PAMR1: variants seen among roughly 807,000 people sequenced by gnomAD.
PAMR1 encodes peptidase domain containing associated with muscle regeneration 1.
Under a neutral mutation model 81.8 loss-of-function variants are expected in PAMR1, and 88 were observed. The ratio of observed to expected loss-of-function variants is 1.08; its 90% CI spans 0.91 to 1.28. PAMR1 has a LOEUF of 1.28. Among genes scored for constraint, PAMR1 ranks in the 50% most tolerant of loss-of-function variants. The pLI, the probability that PAMR1 is intolerant of heterozygous loss-of-function variation, is 0.00. For missense variants in PAMR1, 935 were observed against 919.7 expected (o/e 1.02, Z -0.21); for synonymous variants, 336 against 345.3 (o/e 0.97, Z 0.30).
chr11:35,471,519 A>AC (rs1161328300), intron 4 of PAMR1, among the ~76,000 whole-genome samples: 5 of 152,174 alleles, frequency 3.3e-5, no homozygotes, highest in Non-Finnish European at 7.4e-5. Flanking sequence ...AACAACAACA[A>AC]AAAAAACCTC....
intron 1 of PAMR1, among the ~76,000 whole-genome samples, chr11:35,496,650 G>A (rs1300659303): frequency 6.6e-6 from 1 of 152,204 alleles, no homozygotes; most frequent in Admixed American, 6.5e-5. Context: ...TGGAACCCTT[G>A]TATATTGCTG....
chr11:35,491,965 G>C, intron 3 of PAMR1, 80 bp downstream of exon 3: 22 of 1,266,046 alleles, frequency 1.7e-5, no homozygotes, highest in East Asian at 2.7e-5. Flanking sequence ...AGATTCCAAG[G>C]AGATAAATTT....
At chr11:35,439,729 T>G (rs1432493258) in intron 7 of PAMR1, 36 bp from the exon 8 acceptor site, 2 of 1,551,878 alleles carry the variant, frequency 1.3e-6, no homozygotes, top group Non-Finnish European at 1.8e-6. Context: ...ATGATCCTTT[T>G]CCATATTCAC....
chr11:35,506,467 G>T (rs1850958465), intron 1 of PAMR1, among the ~76,000 whole-genome samples: 1 of 146,906 alleles, frequency 6.8e-6, no homozygotes, highest in South Asian at 2.2e-4. Context: ...ACTTCTCTTA[G>T]CATTTCTTGT....
At chr11:35,521,915 G>GT (rs955580689) in intron 1 of PAMR1, among the ~76,000 whole-genome samples, 22 of 150,048 alleles carry the variant, frequency 1.5e-4, no homozygotes, top group East Asian at 3.9e-4. Flanking sequence ...TTTTTGTTTG[G>GT]TTTTTTTTTG....
At chr11:35,526,098 A>AC, upstream of PAMR1, 1 of 158,762 alleles carries the variant, frequency 6.3e-6, no homozygotes, top group Non-Finnish European at 1.4e-5. Context: ...TGGTGATGGG[A>AC]GGAGAAAGGG....
chr11:35,437,828 T>A (rs1302541203), intron 8 of PAMR1, among the ~76,000 whole-genome samples: 2 of 152,018 alleles, frequency 1.3e-5, no homozygotes, highest in African/African-American at 2.4e-5. Flanking sequence ...TAGTGGAGAG[T>A]CCAGCCCAGG....
At position 35,432,804 on chromosome 11, in the gene PAMR1, A is replaced by C; in HGVS notation, c.1715T>G (p.Ile572Ser). 6.2e-7 allele frequency: 1 copy of C among 1,608,590 alleles called. No individual in the cohort carries two copies. Among genetic ancestry groups the C allele is most frequent in the Non-Finnish European group, 8.5e-7 (1 of 1,179,998 alleles). The change falls in exon 11 of 11, where the codon ATC becomes AGC. Residue 572 changes from isoleucine to serine, a missense_variant. Physicochemically the swap from Ile to Ser is moderately radical, Grantham distance 142. Coordinates refer to ENST00000619888, the MANE Select transcript of PAMR1 (RefSeq NM_001001991.3). Reference protein sequence around the residue: ...AILKLLDKARISTRVQPICLA... With the variant: ...AILKLLDKARSSTRVQPICLA... ...GCAGATGGGCTGGACTCGGGTGCTG[A>C]TACGGGCCTTGTCTAGGAGCTTCAG... is the stretch of plus-strand genomic sequence containing the variant.
chr11:35,449,369 G>A (rs1461252335), intron 6 of PAMR1, among the ~76,000 whole-genome samples: 1 of 152,202 alleles, frequency 6.6e-6, no homozygotes, highest in Admixed American at 6.5e-5. Context: ...CCCCACAGAG[G>A]CTCTGTCCCA....
chr11:35,495,685 G>A (rs1292442286), intron 1 of PAMR1, among the ~76,000 whole-genome samples: 2 of 152,140 alleles, frequency 1.3e-5, no homozygotes, highest in African/African-American at 2.4e-5. Context: ...ATGAATTCTA[G>A]CACCTGCAGT....
chr11:35,439,664 C>A lies in PAMR1; in HGVS notation c.1063G>T (p.Val355Leu). The A allele has an allele frequency of 6.2e-7, 1 of 1,613,974 alleles. No homozygotes were observed. Among genetic ancestry groups the A allele is most frequent in the Non-Finnish European group, 8.5e-7 (1 of 1,179,882 alleles). ...ACREPKISDLVRRRVLPMQVQ... is the reference protein window; with the variant it reads ...ACREPKISDLLRRRVLPMQVQ... The stretch of plus-strand genomic sequence containing the variant: ...TGCATCGGAAGAACTCTCCTTCTCA[C>A]CAGGTCTGAAATCTTTGGTTCTCGG... Residue 355 changes from valine (V) to leucine (L), a missense_variant, in exon 8 of 11, where the codon GTG becomes TTG. Coordinates refer to ENST00000619888, the MANE Select transcript of PAMR1 (RefSeq NM_001001991.3).
intron 6 of PAMR1, among the ~76,000 whole-genome samples, chr11:35,453,601 T>A (rs1590330747): frequency 6.6e-6 from 1 of 152,330 alleles, no homozygotes. Flanking sequence ...ACATAGGCCA[T>A]CTGCACCTCA....
At position 35,441,681 on chromosome 11, in the gene PAMR1, C is replaced by T. The variant is rs1856173834; in HGVS notation, c.833G>A (p.Arg278Lys). The T allele has an allele frequency of 1.9e-6, 3 of 1,608,740 alleles. No individual in the cohort carries two copies. Among genetic ancestry groups the T allele is most frequent in the Non-Finnish European group, 2.5e-6 (3 of 1,177,940 alleles). Residue 278 changes from arginine to lysine, a missense_variant, in exon 7 of 11, where the codon AGA becomes AAA. Physicochemically the swap from Arg to Lys is conservative, Grantham distance 26. Transcript: ENST00000619888. Reference sequence around the variant, plus strand: ...TGGGCCCCCAGGGTCTGAGCAGTTTCTTTCTTCAAGGACTAAAAGAAAGTA... The same window carrying T: ...TGGGCCCCCAGGGTCTGAGCAGTTTTTTTCTTCAAGGACTAAAAGAAAGTA... The part of the protein sequence containing the change: ...GQRCENLLEE[R>K]NCSDPGGPVN...
In PAMR1 at chr11:35,434,540, C is replaced by T. The variant is rs199577710; in HGVS notation, c.1598G>A (p.Arg533Gln). ...VLGKFYRDDD[R>Q]DEKTIQSLQI... The stretch of plus-strand genomic sequence containing the variant: ...TAGGCTCTGGATGGTCTTCTCATCC[C>T]GGTCATCATCCCGGTAGAATTTCCC... Residue 533 changes from arginine to glutamine, a missense_variant, in exon 10 of 11, where the codon CGG becomes CAG. Coordinates refer to ENST00000619888, the MANE Select transcript of PAMR1 (RefSeq NM_001001991.3). 7.4e-5 allele frequency: 120 copies of T among 1,613,870 alleles called. No individual in the cohort carries two copies. Among genetic ancestry groups the T allele is most frequent in the Middle Eastern group, 1.6e-4 (1 of 6,062 alleles).
intron 3 of PAMR1, among the ~76,000 whole-genome samples, chr11:35,487,684 A>C (rs562248807): frequency 9.2e-5 from 14 of 152,190 alleles, no homozygotes; most frequent in Non-Finnish European, 2.1e-4. Flanking sequence ...ACTCATTCTC[A>C]GCAGATATTT....
At chr11:35,478,557 G>GCA (rs550667386) in intron 3 of PAMR1, among the ~76,000 whole-genome samples, 2 of 99,036 alleles carry the variant, frequency 2.0e-5, no homozygotes, top group African/African-American at 3.8e-5. Flanking sequence ...AGGAGGGAGC[G>GCA]CTCCCTCCCC....
intron 1 of PAMR1, among the ~76,000 whole-genome samples, chr11:35,499,286 C>T (rs142454735): frequency 0.016 from 2,399 of 152,200 alleles, 34 homozygotes; most frequent in Non-Finnish European, 0.026. Context: ...TTTCTGGACT[C>T]CAGCCCCCAC....
At chr11:35,463,508 A>C (rs1210136645) in intron 6 of PAMR1, among the ~76,000 whole-genome samples, 1 of 152,186 alleles carries the variant, frequency 6.6e-6, no homozygotes, top group East Asian at 1.9e-4. Flanking sequence ...TTTTCAAAAC[A>C]AGATTCTGAC....
At chr11:35,496,676 G>A (rs1418771889) in intron 1 of PAMR1, among the ~76,000 whole-genome samples, 1 of 152,152 alleles carries the variant, frequency 6.6e-6, no homozygotes, top group Non-Finnish European at 1.5e-5. Flanking sequence ...AATGTGAAAT[G>A]GTGCAGCCCC....
Sources: gnomAD v4.1 joint callset for allele counts (sites outside exome capture counted in the v4.1 genomes callset) on GRCh38, gnomAD v4.1.1 for gene constraint, MANE v1.5 for transcripts, NCBI Gene and HGNC (gene_info 2026-07-23, HGNC 2026-07-21) for gene names.